Variants in EBF3 observed in about 807,000 individuals in gnomAD.
The protein encoded by EBF3 is transcription factor COE3.
A neutral mutation model predicts 77.1 loss-of-function variants in EBF3; 18 were observed. That is an observed-to-expected ratio of 0.23 (90% CI 0.16 to 0.35). EBF3 has a LOEUF of 0.35. EBF3 is among the 10% of genes least tolerant of loss of function. The pLI, the probability that EBF3 is intolerant of heterozygous loss-of-function variation, is 1.00. For missense variants in EBF3, 558 were observed against 860.0 expected (o/e 0.65, Z 4.39); for synonymous variants, 350 against 343.5 (o/e 1.02, Z -0.21).
intron 6 of EBF3, among the ~76,000 whole-genome samples, chr10:129,906,470 TGG>T (rs1855151824): frequency 2.0e-5 from 3 of 152,226 alleles, no homozygotes; most frequent in African/African-American, 7.2e-5. Context: ...CTCTCTGCAC[TGG>T]CAGGGGGCTC....
chr10:129,877,504 C>G (rs912453909), intron 7 of EBF3, among the ~76,000 whole-genome samples: 2 of 134,286 alleles, frequency 1.5e-5, no homozygotes, highest in Admixed American at 7.6e-5. Context: ...AAAAAAAAAG[C>G]TTCCACATGG....
chr10:129,959,079 T>C (rs1859272258), intron 4 of EBF3, 72 bp from the exon 5 acceptor site: 9 of 1,574,654 alleles, frequency 5.7e-6, no homozygotes, highest in South Asian at 1.1e-5. Flanking sequence ...CCCCGGGCGC[T>C]GCAGGCCTGG....
At chr10:129,887,732 A>G (rs554053833) in intron 6 of EBF3, among the ~76,000 whole-genome samples, 14 of 152,244 alleles carry the variant, frequency 9.2e-5, no homozygotes, top group African/African-American at 2.9e-4. Context: ...GAGGACTAAA[A>G]CTGCTCTGGA....
chr10:129,867,087 G>T, intron 10 of EBF3, 54 bp downstream of exon 10: 1 of 1,584,656 alleles, frequency 6.3e-7, no homozygotes, highest in Non-Finnish European at 8.6e-7. Context: ...AGCACCTCCT[G>T]GTGGGGAGGA....
intron 6 of EBF3, among the ~76,000 whole-genome samples, chr10:129,903,973 C>T (rs1422968285): frequency 6.6e-6 from 1 of 152,144 alleles, no homozygotes; most frequent in Non-Finnish European, 1.5e-5. Context: ...CCAAAGGGCT[C>T]CCTGGAAAAG....
At chr10:129,950,921 C>T (rs540969383) in intron 6 of EBF3, among the ~76,000 whole-genome samples, 9 of 152,342 alleles carry the variant, frequency 5.9e-5, no homozygotes, top group African/African-American at 1.7e-4. Context: ...CCTGTACCCC[C>T]ACTTGTCAAT....
At chr10:129,958,644 C>T (rs1859221190) in intron 5 of EBF3, among the ~76,000 whole-genome samples, 1 of 152,194 alleles carries the variant, frequency 6.6e-6, no homozygotes, top group South Asian at 2.1e-4. Context: ...TCCTCCGGCA[C>T]CGCGGACGGA....
At chr10:129,930,614 ATATCTG>A (rs1856948599) in intron 6 of EBF3, among the ~76,000 whole-genome samples, 1 of 140,374 alleles carries the variant, frequency 7.1e-6, no homozygotes, top group African/African-American at 2.6e-5. Context: ...ATCTATATCT[ATATCTG>A]TCTATATCTA....
intron 6 of EBF3, among the ~76,000 whole-genome samples, chr10:129,930,605 T>C (rs1185979329): frequency 7.6e-6 from 1 of 132,290 alleles, no homozygotes; most frequent in African/African-American, 2.7e-5. Context: ...CTCTCATATA[T>C]CTATATCTAT....
intron 6 of EBF3, among the ~76,000 whole-genome samples, chr10:129,908,049 A>C (rs1855267587): frequency 6.6e-6 from 1 of 152,188 alleles, no homozygotes; most frequent in South Asian, 2.1e-4. Context: ...TTCTCCTCTG[A>C]TATGTTACCT....
At chr10:129,906,377 G>T (rs1855144006) in intron 6 of EBF3, among the ~76,000 whole-genome samples, 1 of 152,192 alleles carries the variant, frequency 6.6e-6, no homozygotes, top group Non-Finnish European at 1.5e-5. Flanking sequence ...CCCCTGTTCA[G>T]TACTATGTAT....
At chr10:129,921,912 G>GC (rs1856340392) in intron 6 of EBF3, among the ~76,000 whole-genome samples, 1 of 152,166 alleles carries the variant, frequency 6.6e-6, no homozygotes, top group Non-Finnish European at 1.5e-5. Flanking sequence ...CCCAAGCCTG[G>GC]CCCGCCCCCT....
At chr10:129,899,085 C>T (rs1351644545) in intron 6 of EBF3, among the ~76,000 whole-genome samples, 2 of 147,584 alleles carry the variant, frequency 1.4e-5, no homozygotes, top group East Asian at 4.0e-4. Flanking sequence ...TGCCTCCGCG[C>T]AGCCTTGAAT....
At chr10:129,918,759 G>T (rs930143498) in intron 6 of EBF3, among the ~76,000 whole-genome samples, 2 of 152,350 alleles carry the variant, frequency 1.3e-5, no homozygotes, top group Admixed American at 1.3e-4. Flanking sequence ...GTCCTTGCTG[G>T]AATCTGGGAC....
intron 6 of EBF3, among the ~76,000 whole-genome samples, chr10:129,928,720 C>T (rs1856827090): frequency 6.6e-6 from 1 of 152,226 alleles, no homozygotes; most frequent in Non-Finnish European, 1.5e-5. Context: ...GGCCCATCTT[C>T]GCTTACTCCA....
intron 7 of EBF3, among the ~76,000 whole-genome samples, chr10:129,876,653 C>A (rs1254586441): frequency 6.6e-6 from 1 of 152,220 alleles, no homozygotes; most frequent in Non-Finnish European, 1.5e-5. Flanking sequence ...AAATCCCAAA[C>A]AGGAATCATT....
Position 129,842,004 on chromosome 10 carries a change from G to C in EBF3, c.1372+112C>G, listed in dbSNP as rs190281967. ...GGAACCAGCAGAGCCAGAGAGAACA[G>C]AACGCTACGGACATTCCCCAGCTGG... On this transcript the variant is annotated intron_variant, in intron 13 of 16. Transcript: ENST00000440978. The surrounding 1 kb of genome is among the most constrained non-coding windows in gnomAD (Gnocchi z 4.4). 5.4e-4 allele frequency: 750 copies of C among 1,391,282 alleles called. 2 individuals carry two copies. The African/African-American group carries it at 6.7e-3, about 12-fold the overall frequency. 86.2% of individuals were successfully genotyped at this position (1,391,282 alleles called of 1,614,324 possible). A position where few individuals can be genotyped will look rare whatever the true frequency, so the allele number is the denominator to read the frequency against.
chr10:129,961,792 G>A (rs1859543263), intron 4 of EBF3, among the ~76,000 whole-genome samples: 1 of 152,148 alleles, frequency 6.6e-6, no homozygotes. Context: ...GATGGGCTTA[G>A]GAGTTAGCTG....
At chr10:129,869,428 C>T (rs972493211) in intron 8 of EBF3, among the ~76,000 whole-genome samples, 3 of 152,128 alleles carry the variant, frequency 2.0e-5, no homozygotes, top group Non-Finnish European at 2.9e-5. Context: ...TTTGCTCCCC[C>T]ACGGCTCTCC....
Sources: gnomAD v4.1 joint callset for allele counts (sites outside exome capture counted in the v4.1 genomes callset) on GRCh38, gnomAD v4.1.1 for gene constraint, Gnocchi (gnomAD v3.1) non-coding constraint, MANE v1.5 for transcripts, NCBI Gene and HGNC (gene_info 2026-07-23, HGNC 2026-07-21) for gene names.